Variants in SLC3A1 observed in about 807,000 individuals in gnomAD.
The protein encoded by SLC3A1 is amino acid transporter heavy chain SLC3A1.
Under a neutral mutation model 60.3 loss-of-function variants are expected in SLC3A1, and 78 were observed. The ratio of observed to expected loss-of-function variants is 1.29; its 90% CI spans 1.08 to 1.56. The LOEUF is 1.56. Among genes scored for constraint, SLC3A1 ranks in the 40% most tolerant of loss-of-function variants. SLC3A1 has a pLI of 0.00. For synonymous variants in SLC3A1, 392 were observed against 307.9 expected (o/e 1.27, Z -2.86); for missense variants, 1,172 against 858.9 (o/e 1.36, Z -4.56).
intron 1 of SLC3A1, among the ~76,000 whole-genome samples, chr2:44,276,954 G>A (rs926166098): frequency 2.0e-5 from 3 of 152,118 alleles, no homozygotes; most frequent in African/African-American, 7.2e-5. Flanking sequence ...TTGGTTTGAA[G>A]AAAACAAAAC....
chr2:44,279,944 C>G (rs951249395), intron 1 of SLC3A1, among the ~76,000 whole-genome samples: 3 of 152,110 alleles, frequency 2.0e-5, no homozygotes, highest in African/African-American at 7.2e-5. Flanking sequence ...TGTTCCCTTA[C>G]AGCACATCTC....
At chr2:44,308,823 C>T (rs1672220214) in intron 7 of SLC3A1, among the ~76,000 whole-genome samples, 1 of 151,992 alleles carries the variant, frequency 6.6e-6, no homozygotes, top group Non-Finnish European at 1.5e-5. Flanking sequence ...AGCTCCGCCT[C>T]CCGGGTTCAT....
intron 3 of SLC3A1, among the ~76,000 whole-genome samples, chr2:44,283,040 T>C (rs10427177): frequency 0.78 from 118,172 of 152,146 alleles, 46,713 homozygotes; most frequent in African/African-American, 0.84. Flanking sequence ...CATCTGGCAG[T>C]TCTGCTTCTG....
At position 44,312,730 on chromosome 2, in the gene SLC3A1, A is replaced by T; in HGVS notation, c.1477A>T (p.Asn493Tyr). 6.2e-7 allele frequency: 1 copy of T among 1,613,402 alleles called. No individual in the cohort carries two copies. Among genetic ancestry groups the T allele is most frequent in the Middle Eastern group, 1.7e-4 (1 of 6,060 alleles). Residue 493 changes from asparagine (N) to tyrosine (Y), a missense_variant, in exon 8 of 10, where the codon AAT becomes TAT. By Grantham distance (143) the Asn-to-Tyr change is moderately radical (BLOSUM62 -2). Coordinates refer to ENST00000260649, the MANE Select transcript of SLC3A1 (RefSeq NM_000341.4). ...TGGAATGGGAAATATTGTAGCCGCA[A>T]ATCTCAATGAAAGCTATGATATTGT... The part of the protein sequence containing the change: ...EIGMGNIVAA[N>Y]LNESYDINTL...
intron 9 of SLC3A1, chr2:44,314,510 G>A (rs541447239): frequency 1.2e-5 from 2 of 163,082 alleles, no homozygotes; most frequent in Admixed American, 1.1e-4. Flanking sequence ...AAACTTCACT[G>A]GAAAACAAAC....
At position 44,296,951 on chromosome 2, in the gene SLC3A1, G is replaced by A. The variant is rs148642262; in HGVS notation, c.892-3020G>A. On this transcript the variant is annotated intron_variant, in intron 4 of 9. Transcript: ENST00000260649. ...TAAGATGTGACTTTGCTCCTCATTC[G>A]CCTTCTGCCATGATTGTGAGGCCTC... 4.7e-4 allele frequency among the ~76,000 whole-genome samples: 71 copies of A among 152,222 alleles called. No individual in the cohort carries two copies. In the East Asian group the frequency reaches 7.1e-3, roughly 15 times the overall value.
chr2:44,280,145 T>C (rs1415627406), intron 1 of SLC3A1, among the ~76,000 whole-genome samples: 1 of 152,208 alleles, frequency 6.6e-6, no homozygotes, highest in Non-Finnish European at 1.5e-5. Context: ...TACCACAGTC[T>C]TGGTTTTAAA....
rs769309928 is a variant in SLC3A1, at chr2:44,280,890, A to G, written c.605A>G (p.Asp202Gly). The G allele has an allele frequency of 3.1e-6, 5 of 1,613,930 alleles. No individual in the cohort carries two copies. Among genetic ancestry groups the G allele is most frequent in the Non-Finnish European group, 3.4e-6 (4 of 1,179,924 alleles). Residue 202 changes from aspartate (D) to glycine (G), a missense_variant, in exon 2 of 10, where the codon GAT (aspartate) becomes GGT (glycine). Asp to Gly is a moderately conservative substitution (Grantham distance 94, BLOSUM62 -1). Transcript: ENST00000260649. ...DFENLVAAIH[D>G]KGLKLIIDFI... ...GAGAATCTGGTTGCAGCCATACATG[A>G]TAAAGGTAAGTTGAATGGAAAGTGG...
intron 3 of SLC3A1, among the ~76,000 whole-genome samples, chr2:44,282,840 T>A (rs558511594): frequency 1.3e-5 from 2 of 152,142 alleles, no homozygotes; most frequent in East Asian, 3.9e-4. Flanking sequence ...TATTTTTTTG[T>A]AAAGACAGGG....
chr2:44,317,720 A>C (rs900736055), intron 9 of SLC3A1: 1 of 152,596 alleles, frequency 6.6e-6, no homozygotes, highest in Non-Finnish European at 1.5e-5. Flanking sequence ...TTTTCAAAGA[A>C]TACTAGAAGA....
At chr2:44,318,718 A>C (rs765064260) in intron 9 of SLC3A1, 4 of 152,222 alleles carry the variant, frequency 2.6e-5, no homozygotes, top group Non-Finnish European at 4.4e-5. Context: ...AAACCTTTTT[A>C]TAGTATGTAT....
At chr2:44,278,973 G>A (rs1358259753) in intron 1 of SLC3A1, among the ~76,000 whole-genome samples, 1 of 151,186 alleles carries the variant, frequency 6.6e-6, no homozygotes, top group Non-Finnish European at 1.5e-5. Context: ...TAAATTAATT[G>A]ATGCATTTAC....
Position 44,280,723 on chromosome 2 carries a change from A to T in SLC3A1, c.438A>T (p.Gln146His), listed in dbSNP as rs778027083. The T allele has an allele frequency of 3.7e-6, 6 of 1,607,562 alleles. No homozygotes were observed. In the African/African-American group the frequency reaches 6.7e-5, roughly 18 times the overall value. The change falls in exon 2 of 10, where the codon CAA becomes CAT. Residue 146 changes from glutamine to histidine, a missense_variant. Transcript: ENST00000260649. ...KDGNGDLKGI[Q>H]DKLDYITALN... ...TTTGACTTTTTTCTTCAGGTATTCA[A>T]GATAAACTGGACTACATCACAGCTT...
intron 7 of SLC3A1, among the ~76,000 whole-genome samples, chr2:44,307,182 C>A (rs12470084): frequency 0.44 from 67,423 of 152,090 alleles, 18,147 homozygotes; most frequent in Non-Finnish European, 0.61. Flanking sequence ...CTCAGTACAT[C>A]GTTCCTTTTT....
intron 7 of SLC3A1, among the ~76,000 whole-genome samples, chr2:44,309,975 T>C (rs1048949649): frequency 6.6e-6 from 1 of 152,050 alleles, no homozygotes; most frequent in Non-Finnish European, 1.5e-5. Context: ...CACTGCAGCC[T>C]TGACCTCCTG....
At chr2:44,294,705 T>G (rs1449123767) in intron 4 of SLC3A1, among the ~76,000 whole-genome samples, 5 of 152,124 alleles carry the variant, frequency 3.3e-5, no homozygotes, top group Non-Finnish European at 5.9e-5. Flanking sequence ...TGATCTTTCC[T>G]CTACTTCCTG....
chr2:44,310,393 AAC>A (rs1223891343), intron 7 of SLC3A1, among the ~76,000 whole-genome samples: 1 of 152,204 alleles, frequency 6.6e-6, no homozygotes, highest in Non-Finnish European at 1.5e-5. Context: ...ATTATTGAAT[AAC>A]AGTTTTGCTG....
chr2:44,316,756 C>T (rs1285959659), intron 9 of SLC3A1, among the ~76,000 whole-genome samples: 1 of 152,142 alleles, frequency 6.6e-6, no homozygotes, highest in Non-Finnish European at 1.5e-5. Context: ...ACTCTATCTT[C>T]AAAGTTGTAA....
intron 4 of SLC3A1, among the ~76,000 whole-genome samples, chr2:44,297,178 GAT>G (rs1445035874): frequency 1.3e-5 from 2 of 152,180 alleles, no homozygotes; most frequent in African/African-American, 4.8e-5. Context: ...GCTCTAAAAT[GAT>G]ATATACATTC....
Sources: gnomAD v4.1 joint callset for allele counts (sites outside exome capture counted in the v4.1 genomes callset) on GRCh38, gnomAD v4.1.1 for gene constraint, MANE v1.5 for transcripts, NCBI Gene and HGNC (gene_info 2026-07-23, HGNC 2026-07-21) for gene names.